The following HMCN1 variants were observed in gnomAD, a reference collection of about 807,000 sequenced individuals.
HMCN1 encodes the protein hemicentin 1.
A neutral mutation model predicts 625.9 loss-of-function variants in HMCN1; 321 were observed. The observed-to-expected ratio is 0.51, with a 90% CI of 0.47 to 0.56. The LOEUF is 0.56. HMCN1 is among the 20% of genes least tolerant of loss of function. HMCN1 has a pLI of 0.00. For synonymous variants in HMCN1, 2,425 were observed against 2,417.6 expected, an observed-to-expected ratio of 1.00 and a Z score of -0.09; for missense variants, 6,588 against 6,887.3, an observed-to-expected ratio of 0.96 and a Z score of 1.54.
intron 1 of HMCN1, among the ~76,000 whole-genome samples, chr1:185,814,849 GC>G (rs1161064299): frequency 6.7e-6 from 1 of 149,236 alleles, no homozygotes; most frequent in Non-Finnish European, 1.5e-5. Flanking sequence ...ACATCACCAT[GC>G]CCGGCTAATT....
intron 1 of HMCN1, among the ~76,000 whole-genome samples, chr1:185,810,561 A>G (rs1254187083): frequency 6.6e-6 from 1 of 152,134 alleles, no homozygotes; most frequent in Non-Finnish European, 1.5e-5. Context: ...AAACTGCTGC[A>G]TGTAGTAAAA....
At chr1:185,909,655 G>T (rs1666303484) in intron 5 of HMCN1, 147 bp downstream of exon 5, 2 of 746,078 alleles carry the variant, frequency 2.7e-6, no homozygotes, top group Non-Finnish European at 4.4e-6. Flanking sequence ...TTTAAAAAAT[G>T]TAACATTTTG....
intron 57 of HMCN1, among the ~76,000 whole-genome samples, chr1:186,085,300 T>C (rs1035417841): frequency 6.6e-6 from 1 of 152,154 alleles, no homozygotes; most frequent in African/African-American, 2.4e-5. Flanking sequence ...CCCAAAGTTC[T>C]GGTGGCCGGA....
At chr1:185,916,393 G>T (rs776048622) in intron 6 of HMCN1, among the ~76,000 whole-genome samples, 6 of 152,120 alleles carry the variant, frequency 3.9e-5, no homozygotes, top group Admixed American at 6.5e-5. Context: ...TCTGAGGAAA[G>T]TGGGGGAAAA....
At chr1:186,162,417 G>C (rs796986440) in intron 97 of HMCN1, among the ~76,000 whole-genome samples, 1 of 152,036 alleles carries the variant, frequency 6.6e-6, no homozygotes, top group African/African-American at 2.4e-5. Context: ...CTCTCAACTC[G>C]TCAAAGTCAT....
At chr1:186,100,267 AG>A (rs1032787997) in intron 68 of HMCN1, among the ~76,000 whole-genome samples, 5 of 152,146 alleles carry the variant, frequency 3.3e-5, no homozygotes, top group African/African-American at 9.7e-5. Context: ...AAAGATGAGA[AG>A]TTTTAGCATT....
chr1:185,928,893 T>TA (rs1571572595), intron 10 of HMCN1, among the ~76,000 whole-genome samples: 1 of 152,058 alleles, frequency 6.6e-6, no homozygotes, highest in African/African-American at 2.4e-5. Context: ...TCCCTAACTG[T>TA]AAAAGAAAGC....
intron 18 of HMCN1, among the ~76,000 whole-genome samples, chr1:185,983,685 A>G (rs569742532): frequency 4.1e-4 from 62 of 152,350 alleles, no homozygotes; most frequent in African/African-American, 1.5e-3. Context: ...CATATTGTCC[A>G]CTAATATTTG....
intron 106 of HMCN1, among the ~76,000 whole-genome samples, chr1:186,189,117 A>G (rs1293759833): frequency 1.3e-5 from 2 of 152,188 alleles, no homozygotes; most frequent in Non-Finnish European, 2.9e-5. Context: ...CCTTTTAAAC[A>G]GTGTTAGGAT....
At chr1:186,037,518 C>T (rs1360609926) in intron 36 of HMCN1, among the ~76,000 whole-genome samples, 1 of 152,100 alleles carries the variant, frequency 6.6e-6, no homozygotes, top group Non-Finnish European at 1.5e-5. Context: ...TAGCTTAAGA[C>T]AGTGCTGTCC....
chr1:186,157,051 A>G (rs930458501), intron 97 of HMCN1, among the ~76,000 whole-genome samples: 17 of 152,226 alleles, frequency 1.1e-4, no homozygotes, highest in Non-Finnish European at 2.5e-4. Flanking sequence ...TCTAGTAGAA[A>G]TGGGACCAAG....
chr1:186,045,857 G>A lies in HMCN1; in HGVS notation c.6474G>A (p.Val2158=). The change falls in exon 41 of 107, where the codon GTG becomes GTA. Residue 2158 remains valine (V), a synonymous_variant. Transcript: ENST00000271588. The part of the protein sequence containing the change: ...PGLSISENRS[V]LKIEDAQVQD... ...TCAGTATATCTGAAAATAGAAGTGT[G>A]TTAAAGGTAAGGATATGGATTCATT... 1.9e-6 allele frequency: 3 copies of A among 1,609,182 alleles called. No homozygotes were observed. Among genetic ancestry groups the A allele is most frequent in the Non-Finnish European group, 2.6e-6 (3 of 1,175,846 alleles).
At chr1:185,887,752 A>C (rs533313410) in intron 4 of HMCN1, among the ~76,000 whole-genome samples, 1 of 139,826 alleles carries the variant, frequency 7.2e-6, no homozygotes, top group East Asian at 2.0e-4. Flanking sequence ...ATTGTGAATA[A>C]TGCCGCAATA....
At position 185,962,575 on chromosome 1, in the gene HMCN1, T is replaced by C. The variant is rs769474927; in HGVS notation, c.1886T>C (p.Val629Ala). The change falls in exon 12 of 107, where the codon GTC becomes GCC. Residue 629 changes from valine (V) to alanine (A), a missense_variant. Around this residue, in one of 3 missense-constraint regions of HMCN1, gnomAD observed 4,628 missense variants for 4,853.1 expected, o/e 0.95. Coordinates refer to ENST00000271588, the MANE Select transcript of HMCN1 (RefSeq NM_031935.3). ...KNQSFTGGSE[V>A]SIMCSATGYP... The stretch of plus-strand genomic sequence containing the variant: ...CAGTCTTTCACAGGAGGGTCTGAGG[T>C]CTCCATCATGTGTTCTGCAACAGGT... 37 of 1,608,596 alleles carry C rather than the reference T, an allele frequency of 2.3e-5. No individual in the cohort carries two copies. The African/African-American group carries it at 3.6e-4, about 16-fold the overall frequency.
chr1:186,041,698 C>T (rs576193389), intron 40 of HMCN1, among the ~76,000 whole-genome samples: 1 of 152,228 alleles, frequency 6.6e-6, no homozygotes, highest in Admixed American at 6.5e-5. Flanking sequence ...AAAGTTGGGG[C>T]CTCTTGATCT....
intron 40 of HMCN1, among the ~76,000 whole-genome samples, 153 bp from the exon 41 acceptor site, chr1:186,045,535 T>A (rs1252319070): frequency 6.6e-6 from 1 of 152,172 alleles, no homozygotes; most frequent in Non-Finnish European, 1.5e-5. Flanking sequence ...TATTAGGACT[T>A]GAACCAAGTG....
intron 1 of HMCN1, among the ~76,000 whole-genome samples, chr1:185,751,362 GAA>G (rs1654805079): frequency 6.6e-6 from 1 of 151,870 alleles, no homozygotes; most frequent in Non-Finnish European, 1.5e-5. Flanking sequence ...TGTTGTTGAT[GAA>G]AAGTCTTCTC....
At chr1:186,157,682 T>C (rs1022353698) in intron 97 of HMCN1, among the ~76,000 whole-genome samples, 1 of 152,150 alleles carries the variant, frequency 6.6e-6, no homozygotes, top group African/African-American at 2.4e-5. Context: ...TGAGTGAGAA[T>C]ATGCGGTGTT....
intron 40 of HMCN1, among the ~76,000 whole-genome samples, chr1:186,044,932 C>T (rs1209314519): frequency 6.6e-6 from 1 of 152,032 alleles, no homozygotes; most frequent in Admixed American, 6.6e-5. Context: ...AAAGAGATTC[C>T]TTAAACTTTT....
Sources: gnomAD v4.1 joint callset for allele counts (sites outside exome capture counted in the v4.1 genomes callset) on GRCh38, gnomAD v4.1.1 for gene constraint, gnomAD v4.1.1 regional missense constraint, MANE v1.5 for transcripts, NCBI Gene and HGNC (gene_info 2026-07-23, HGNC 2026-07-21) for gene names.